RIC3: variants seen among roughly 807,000 people sequenced by gnomAD.
RIC3 encodes the protein protein RIC-3.
A neutral mutation model predicts 27.3 loss-of-function variants in RIC3; 28 were observed. The ratio of observed to expected loss-of-function variants is 1.02; its 90% confidence interval spans 0.76 to 1.41. The LOEUF is 1.41. RIC3 is among the 40% of genes most tolerant of loss of function. RIC3 has a pLI of 0.00. For missense variants in RIC3, 501 were observed against 444.7 expected (o/e 1.13, Z -1.14); for synonymous variants, 184 against 160.4 (o/e 1.15, Z -1.11).
the RIC3 span, chr11:8,094,300 G>A: frequency 8.9e-5 from 121 of 1,364,040 alleles, no homozygotes; most frequent in Non-Finnish European, 1.2e-4. Context: ...ACAGCCTCAG[G>A]GAAGACACAG....
intron 1 of RIC3, among the ~76,000 whole-genome samples, chr11:8,148,188 G>A (rs781608620): frequency 2.6e-5 from 4 of 152,138 alleles, no homozygotes; most frequent in Non-Finnish European, 5.9e-5. Context: ...GACTTTAAAT[G>A]ATATGGAAAA....
chr11:8,145,289 C>T (rs61881272), intron 1 of RIC3, among the ~76,000 whole-genome samples: 4 of 151,822 alleles, frequency 2.6e-5, no homozygotes, highest in African/African-American at 9.7e-5. Context: ...AGGACAGGTA[C>T]TTTCACATTC....
intron 5 of RIC3, among the ~76,000 whole-genome samples, chr11:8,121,304 G>A (rs538513099): frequency 6.6e-6 from 1 of 152,160 alleles, no homozygotes; most frequent in Non-Finnish European, 1.5e-5. Context: ...TTAATTACTT[G>A]TGAGATTAAA....
intron 1 of RIC3, among the ~76,000 whole-genome samples, chr11:8,140,453 T>C (rs762783648): frequency 6.6e-6 from 1 of 152,210 alleles, no homozygotes; most frequent in African/African-American, 2.4e-5. Context: ...CAGTTAAATG[T>C]GGCCATATAA....
chr11:8,161,899 A>G (rs1472445923), intron 1 of RIC3, among the ~76,000 whole-genome samples: 1 of 144,558 alleles, frequency 6.9e-6, no homozygotes, highest in Non-Finnish European at 1.5e-5. Flanking sequence ...CTGTTGCTAT[A>G]AATGAGACAC....
At chr11:8,095,644 C>T in the RIC3 span, 93 of 1,605,250 alleles carry the variant, frequency 5.8e-5, 2 homozygotes, top group South Asian at 9.1e-4. Context: ...GCAGGATCTC[C>T]GTGCCACGAT....
the RIC3 span, chr11:8,101,009 T>C: frequency 2.5e-6 from 4 of 1,613,996 alleles, no homozygotes; most frequent in African/African-American, 2.7e-5. Context: ...TGAGTGTTTC[T>C]GTCCCTACTC....
At chr11:8,123,469 A>G (rs1315011382) in intron 5 of RIC3, among the ~76,000 whole-genome samples, 1 of 152,210 alleles carries the variant, frequency 6.6e-6, no homozygotes, top group East Asian at 1.9e-4. Flanking sequence ...AAAGATCAAC[A>G]AGGATGATAA....
intron 1 of RIC3, among the ~76,000 whole-genome samples, chr11:8,151,298 G>C (rs1950195648): frequency 1.3e-5 from 2 of 152,132 alleles, no homozygotes; most frequent in Admixed American, 1.3e-4. Context: ...ACATTAAAAA[G>C]ACAAATAGGC....
downstream of RIC3, among the ~76,000 whole-genome samples, chr11:8,101,191 C>T (rs55778440): frequency 0.038 from 5,715 of 152,226 alleles, 175 homozygotes; most frequent in African/African-American, 0.087. Context: ...CAGCCCTGGT[C>T]CTAGATTCTG....
At chr11:8,166,877 G>A (rs1951741192) in intron 1 of RIC3, among the ~76,000 whole-genome samples, 1 of 151,724 alleles carries the variant, frequency 6.6e-6, no homozygotes, top group Non-Finnish European at 1.5e-5. Flanking sequence ...GTGAGACCCA[G>A]GGAAAGGGAA....
chr11:8,157,918 T>G (rs1479214901), intron 1 of RIC3, among the ~76,000 whole-genome samples: 1 of 152,196 alleles, frequency 6.6e-6, no homozygotes, highest in Non-Finnish European at 1.5e-5. Flanking sequence ...TGTTTTCTGT[T>G]CATTTCCATA....
intron 3 of RIC3, 89 bp from the exon 4 acceptor site, chr11:8,137,560 T>C: frequency 2.2e-6 from 2 of 899,310 alleles, no homozygotes; most frequent in Non-Finnish European, 3.5e-6. Flanking sequence ...GCTATTGTAC[T>C]GTCTAACTTC....
intron 5 of RIC3, among the ~76,000 whole-genome samples, chr11:8,123,204 T>C (rs1321001404): frequency 5.5e-5 from 8 of 145,532 alleles, no homozygotes; most frequent in Non-Finnish European, 1.1e-4. Context: ...AAAAAAAAAG[T>C]GAACAGAACT....
At chr11:8,133,114 A>G (rs1947932931) in intron 4 of RIC3, among the ~76,000 whole-genome samples, 1 of 152,172 alleles carries the variant, frequency 6.6e-6, no homozygotes, top group African/African-American at 2.4e-5. Flanking sequence ...TGGGTTAGTT[A>G]TCCCAAGATG....
chr11:8,137,304 C>A, intron 4 of RIC3, 74 bp downstream of exon 4: 3 of 1,376,326 alleles, frequency 2.2e-6, no homozygotes, highest in Non-Finnish European at 3.1e-6. Flanking sequence ...GATTAGAGGC[C>A]TCGGCCACTG....
chr11:8,144,886 T>G (rs2133998387), intron 1 of RIC3, among the ~76,000 whole-genome samples: 1 of 151,584 alleles, frequency 6.6e-6, no homozygotes, highest in South Asian at 2.1e-4. Context: ...TGTAGGGACA[T>G]GGATGAAATT....
intron 5 of RIC3, among the ~76,000 whole-genome samples, chr11:8,115,821 A>C (rs1380554824): frequency 2.0e-5 from 3 of 152,218 alleles, no homozygotes; most frequent in African/African-American, 7.2e-5. Flanking sequence ...TCCATACTAT[A>C]CAAAGCAATC....
the RIC3 span, chr11:8,095,603 C>A: frequency 6.2e-7 from 1 of 1,612,638 alleles, no homozygotes; most frequent in East Asian, 2.2e-5. Context: ...GCAGGGGAGA[C>A]GGCAGCTGGT....
Sources: allele counts gnomAD v4.1 joint callset (sites outside exome capture counted in the v4.1 genomes callset), GRCh38; gene constraint gnomAD v4.1.1; transcripts MANE v1.5; gene names NCBI Gene and HGNC (gene_info 2026-07-23, HGNC 2026-07-21).